The following SCARB2 variants were observed in gnomAD, a reference collection of about 807,000 sequenced individuals.
SCARB2 encodes scavenger receptor class B member 2.
SCARB2 carries 29 observed loss-of-function variants against 58.6 expected under a neutral mutation model. The observed-to-expected ratio is 0.49, with a 90% CI of 0.37 to 0.67. The LOEUF (loss-of-function observed/expected upper bound fraction) is 0.67. SCARB2 is among the 30% of genes least tolerant of loss of function. The pLI, the probability that SCARB2 is intolerant of heterozygous loss-of-function variation, is 0.00. For synonymous variants in SCARB2, 195 were observed against 210.1 expected, an observed-to-expected ratio of 0.93 and a Z score of 0.62; for missense variants, 488 against 578.5, an observed-to-expected ratio of 0.84 and a Z score of 1.60.
chr4:76,214,941 G>A (rs1394604745), upstream of SCARB2, among the ~76,000 whole-genome samples: 2 of 152,214 alleles, frequency 1.3e-5, no homozygotes, highest in African/African-American at 4.8e-5. Flanking sequence ...TGGGTGGAAG[G>A]AAGCATTTGA....
At chr4:76,163,490 T>G in intron 10 of SCARB2, 107 bp from the exon 11 acceptor site, 1 of 1,189,332 alleles carries the variant, frequency 8.4e-7, no homozygotes, top group Non-Finnish European at 1.2e-6. Context: ...GTCCTCCTGT[T>G]AGCAAACCAA....
intron 1 of SCARB2, among the ~76,000 whole-genome samples, chr4:76,225,846 G>T (rs989099821): frequency 6.6e-6 from 1 of 152,084 alleles, no homozygotes; most frequent in African/African-American, 2.4e-5. Context: ...GTCTGTAATT[G>T]TTTTTGTTGT....
chr4:76,175,511 C>T (rs1052387866), intron 6 of SCARB2: 25 of 433,198 alleles, frequency 5.8e-5, no homozygotes, highest in African/African-American at 5.0e-4. Context: ...CAATTTCTAT[C>T]TTTGTTTTAC....
intron 11 of SCARB2, chr4:76,162,389 A>T (rs1469049647): frequency 6.6e-6 from 1 of 152,180 alleles, no homozygotes; most frequent in African/African-American, 2.4e-5. Context: ...TTAGTTGAGG[A>T]AACTGGAGGA....
intron 4 of SCARB2, among the ~76,000 whole-genome samples, chr4:76,177,750 A>G (rs1486289127): frequency 2.0e-5 from 3 of 152,230 alleles, no homozygotes; most frequent in Non-Finnish European, 4.4e-5. Context: ...TGACAACATT[A>G]CACTAAATTT....
chr4:76,198,190 G>A (rs1025506913), intron 1 of SCARB2, among the ~76,000 whole-genome samples: 1 of 152,206 alleles, frequency 6.6e-6, no homozygotes, highest in Admixed American at 6.5e-5. Flanking sequence ...GCATCATAGT[G>A]TGTGAAGTTT....
chr4:76,200,418 A>G (rs935732849), intron 1 of SCARB2, among the ~76,000 whole-genome samples: 23 of 152,226 alleles, frequency 1.5e-4, no homozygotes, highest in East Asian at 5.8e-4. Flanking sequence ...AAATACTGGA[A>G]AATTATCAAG....
At chr4:76,189,875 A>AC (rs913201655) in intron 2 of SCARB2, among the ~76,000 whole-genome samples, 10 of 151,868 alleles carry the variant, frequency 6.6e-5, no homozygotes, top group Admixed American at 3.3e-4. Context: ...TGATTAAATT[A>AC]CCCCCCTGGG....
intron 2 of SCARB2, chr4:76,193,701 T>A (rs893085174): frequency 6.6e-6 from 1 of 152,254 alleles, no homozygotes; most frequent in African/African-American, 2.4e-5. Context: ...CCAATGCTGA[T>A]ACACCCATTG....
intron 1 of SCARB2, among the ~76,000 whole-genome samples, chr4:76,225,890 G>A (rs1296161601): frequency 6.6e-6 from 1 of 152,162 alleles, no homozygotes; most frequent in Non-Finnish European, 1.5e-5. Context: ...GTATTAGGGT[G>A]ATACTGGCTT....
intron 1 of SCARB2, among the ~76,000 whole-genome samples, chr4:76,202,342 AC>A (rs1172257617): frequency 1.3e-5 from 2 of 151,994 alleles, no homozygotes; most frequent in Non-Finnish European, 2.9e-5. Context: ...GCTCACCACA[AC>A]CTCCGCCTCC....
intron 1 of SCARB2, among the ~76,000 whole-genome samples, chr4:76,205,377 T>C (rs954115655): frequency 2.0e-5 from 3 of 150,670 alleles, no homozygotes; most frequent in Non-Finnish European, 4.4e-5. Flanking sequence ...AACCCCAAAA[T>C]ATTGTATATT....
chr4:76,174,522 G>T, intron 6 of SCARB2: 2 of 562,636 alleles, frequency 3.6e-6, no homozygotes, highest in Non-Finnish European at 6.4e-6. Flanking sequence ...TAGCAACGGT[G>T]ATATCATCCA....
intron 2 of SCARB2, among the ~76,000 whole-genome samples, chr4:76,186,355 G>A (rs1303053923): frequency 6.6e-6 from 1 of 152,082 alleles, no homozygotes; most frequent in African/African-American, 2.4e-5. Context: ...AGGAGGACAC[G>A]CTTTAAAAGA....
At chr4:76,229,224 G>A (rs1458546835) in intron 1 of SCARB2, among the ~76,000 whole-genome samples, 1 of 152,052 alleles carries the variant, frequency 6.6e-6, no homozygotes, top group African/African-American at 2.4e-5. Flanking sequence ...TGTTTCTCTG[G>A]AAAATTGTTC....
chr4:76,179,786 A>T, intron 3 of SCARB2, 81 bp from the exon 4 acceptor site: 1 of 1,056,456 alleles, frequency 9.5e-7, no homozygotes, highest in Non-Finnish European at 1.5e-6. Context: ...CCCATAGCAA[A>T]GGGGGTTGGA....
In SCARB2 at chr4:76,228,478, T is replaced by TA. The variant is rs906897366; in HGVS notation, c.-358+5824dup. On this transcript the variant is annotated intron_variant, in intron 1 of 11. Coordinates refer to the SCARB2 transcript ENST00000638295. ...TGGGCGATGGAGTAAGCCTCCATCT[T>TA]AAAAAAAAAAAAAGAAAGAAAGAAA... Among the ~76,000 whole-genome samples, 235 of 140,778 alleles carry TA rather than the reference T, an allele frequency of 1.7e-3. 2 individuals are homozygous for TA. The highest frequency in any genetic ancestry group is 5.1e-3 in the East Asian group (25 of 4,942). 92.4% of individuals were successfully genotyped at this position (140,778 alleles called of 152,430 possible).
At chr4:76,180,018 C>T (rs970145709) in intron 3 of SCARB2, 5 of 400,258 alleles carry the variant, frequency 1.2e-5, no homozygotes, top group South Asian at 2.2e-5. Flanking sequence ...CACAAGGTGG[C>T]GCTACCTTCC....
intron 2 of SCARB2, among the ~76,000 whole-genome samples, chr4:76,186,830 T>A (rs1310275082): frequency 6.6e-6 from 1 of 150,484 alleles, no homozygotes; most frequent in Admixed American, 6.6e-5. Context: ...AGTTTAAGGA[T>A]TTTTTTTTTC....
Sources: gnomAD v4.1 joint callset for allele counts (sites outside exome capture counted in the v4.1 genomes callset) on GRCh38, gnomAD v4.1.1 for gene constraint, MANE v1.5 for transcripts, NCBI Gene and HGNC (gene_info 2026-07-23, HGNC 2026-07-21) for gene names.